Variants in TPR observed in about 807,000 individuals in gnomAD.
TPR encodes translocated promoter region, nuclear basket protein, also known as nucleoprotein TPR.
Under a neutral mutation model 316.1 loss-of-function variants are expected in TPR, and 51 were observed. The ratio of observed to expected loss-of-function variants is 0.16; its 90% confidence interval spans 0.13 to 0.20. The LOEUF (loss-of-function observed/expected upper bound fraction) is 0.20, where lower values mean the gene tolerates loss of function less well. TPR is among the 10% of genes least tolerant of loss of function. TPR has a pLI of 1.00. For missense variants in TPR, 2,272 were observed against 2,754.8 expected, an observed-to-expected ratio of 0.82 and a Z score of 3.92; for synonymous variants, 981 against 914.7, an observed-to-expected ratio of 1.07 and a Z score of -1.31.
At chr1:186,366,676 T>G (rs1190761811) in intron 4 of TPR, among the ~76,000 whole-genome samples, 1 of 152,212 alleles carries the variant, frequency 6.6e-6, no homozygotes. Flanking sequence ...AACTTGTGAA[T>G]TATCCAAATT....
At chr1:186,323,945 A>G in intron 42 of TPR, 75 bp from the exon 43 acceptor site, 1 of 1,401,254 alleles carries the variant, frequency 7.1e-7, no homozygotes, top group Non-Finnish European at 9.6e-7. Context: ...CTAGAAGTAT[A>G]AATCTTGCCA....
At chr1:186,336,972 A>G (rs758291215) in intron 32 of TPR, 41 bp downstream of exon 32, 1 of 1,612,036 alleles carries the variant, frequency 6.2e-7, no homozygotes, top group Non-Finnish European at 8.5e-7. Context: ...TTAGGTGTAT[A>G]ACAGGAAAGA....
intron 49 of TPR, among the ~76,000 whole-genome samples, chr1:186,314,953 G>A (rs550728871): frequency 6.6e-6 from 1 of 152,012 alleles, no homozygotes; most frequent in Non-Finnish European, 1.5e-5. Context: ...GATCACTTGA[G>A]CTCAGGAGTT....
intron 49 of TPR, among the ~76,000 whole-genome samples, chr1:186,316,818 A>G (rs756307969): frequency 1.3e-5 from 2 of 152,248 alleles, no homozygotes; most frequent in African/African-American, 2.4e-5. Flanking sequence ...ATAAGGAAAT[A>G]TAAGTAAAGG....
rs1278246337 is a variant in TPR, at chr1:186,332,339, C to T, written c.5460G>A (p.Ser1820=). The change falls in exon 38 of 51, where the codon TCG becomes TCA. Residue 1820 remains serine, a synonymous_variant. Transcript: ENST00000367478. The part of the protein sequence containing the change: ...STSTAVFGTV[S]ATPSSSLPKR... ...TTGGCAAAGAAGAACTGGGGGTAGC[C>T]GAAACTTTGAAATTATATAAATCTT... 7 of 1,610,472 alleles carry T rather than the reference C, an allele frequency of 4.3e-6. No individual in the cohort carries two copies. The highest frequency in any genetic ancestry group is 4.5e-5 in the East Asian group (2 of 44,778).
chr1:186,366,893 T>C (rs1463762444), intron 4 of TPR, among the ~76,000 whole-genome samples: 1 of 151,878 alleles, frequency 6.6e-6, no homozygotes, highest in Non-Finnish European at 1.5e-5. Flanking sequence ...TAACTACCAC[T>C]TGTTGATCAA....
At position 186,344,516 on chromosome 1, in the gene TPR, A is replaced by G. The variant is rs1201444402; in HGVS notation, c.3276T>C (p.Asp1092=). Residue 1092 remains aspartate (D), a synonymous_variant, in exon 25 of 51, where the codon GAT becomes GAC. Coordinates refer to ENST00000367478, the MANE Select transcript of TPR (RefSeq NM_003292.3). ...YERELMLHAA[D]VEALQAAKEQ... Reference sequence around the variant, plus strand: ...CCTTCGCAGCTTGTAGAGCTTCAACATCAGCAGCATGCAGCATCAATTCTC... The same window carrying G: ...CCTTCGCAGCTTGTAGAGCTTCAACGTCAGCAGCATGCAGCATCAATTCTC... 1 of 1,612,936 alleles carries G rather than the reference A, an allele frequency of 6.2e-7. No homozygotes were observed. Among genetic ancestry groups the G allele is most frequent in the Admixed American group, 1.7e-5 (1 of 59,902 alleles).
At chr1:186,347,599 A>C in intron 21 of TPR, 141 bp from the exon 22 acceptor site, 1 of 822,658 alleles carries the variant, frequency 1.2e-6, no homozygotes, top group Non-Finnish European at 1.7e-6. Context: ...CCGAATACCA[A>C]AATAAAAGCA....
chr1:186,343,532 C>T (rs932412391), intron 26 of TPR, 59 bp from the exon 27 acceptor site: 35 of 1,521,110 alleles, frequency 2.3e-5, no homozygotes, highest in Middle Eastern at 1.7e-4. Context: ...CATTACAAAA[C>T]GTAGGTAATT....
chr1:186,340,915 C>T, intron 29 of TPR, 113 bp downstream of exon 29: 3 of 1,321,290 alleles, frequency 2.3e-6, no homozygotes, highest in Non-Finnish European at 3.1e-6. Context: ...TAGACTTTCA[C>T]TAATAAACAC....
intron 32 of TPR, 36 bp downstream of exon 32, chr1:186,336,977 G>T (rs1459859734): frequency 1.2e-6 from 2 of 1,612,262 alleles, no homozygotes; most frequent in Non-Finnish European, 8.5e-7. Flanking sequence ...TGTATAACAG[G>T]AAAGAATTAG....
intron 12 of TPR, among the ~76,000 whole-genome samples, chr1:186,359,593 T>G (rs557922029): frequency 6.6e-6 from 1 of 152,190 alleles, no homozygotes; most frequent in African/African-American, 2.4e-5. Flanking sequence ...GCTTTCACAA[T>G]TTTATATAAA....
At position 186,363,345 on chromosome 1, in the gene TPR, A is replaced by G; in HGVS notation, c.528T>C (p.Val176=). 6.2e-7 allele frequency: 1 copy of G among 1,610,628 alleles called. No homozygotes were observed. Among genetic ancestry groups the G allele is most frequent in the Non-Finnish European group, 8.5e-7 (1 of 1,177,376 alleles). The change falls in exon 5 of 51, where the codon GTT becomes GTC. Residue 176 remains valine, a synonymous_variant. Coordinates refer to ENST00000367478, the MANE Select transcript of TPR (RefSeq NM_003292.3). Reference sequence around the variant, plus strand: ...TTAGGAATCATCTGGTACTTGCCTTAACAGAAACATCAGAAGCTTGAAGTT... The same window carrying G: ...TTAGGAATCATCTGGTACTTGCCTTGACAGAAACATCAGAAGCTTGAAGTT... ...LDELQASDVS[V]KYREKRLEQE...
chr1:186,371,170 T>G (rs1156649740), intron 2 of TPR, 127 bp from the exon 3 acceptor site: 1 of 707,150 alleles, frequency 1.4e-6, no homozygotes, highest in African/African-American at 1.8e-5. Context: ...GACTGCATTG[T>G]ACATCACATT....
At chr1:186,369,880 T>C (rs1659470219) in intron 3 of TPR, among the ~76,000 whole-genome samples, 1 of 152,090 alleles carries the variant, frequency 6.6e-6, no homozygotes, top group Non-Finnish European at 1.5e-5. Context: ...TAAATTCTAT[T>C]ACTTTTTAAG....
At chr1:186,335,669 A>G in intron 33 of TPR, 126 bp from the exon 34 acceptor site, 1 of 613,832 alleles carries the variant, frequency 1.6e-6, no homozygotes, top group Admixed American at 3.6e-5. Flanking sequence ...GTTATGATAC[A>G]TCATACATCT....
intron 21 of TPR, 89 bp downstream of exon 21, chr1:186,350,134 A>C: frequency 8.2e-7 from 1 of 1,216,036 alleles, no homozygotes; most frequent in Non-Finnish European, 1.1e-6. Context: ...GCATTCACAA[A>C]GAATTAGGCT....
chr1:186,323,974 C>T (rs1337068626), intron 42 of TPR, 104 bp from the exon 43 acceptor site: 56 of 1,196,972 alleles, frequency 4.7e-5, no homozygotes, highest in Non-Finnish European at 5.5e-5. Flanking sequence ...GTTCACCGTA[C>T]GAATATTTTC....
Position 186,321,714 on chromosome 1 carries a change from T to A in TPR, c.6461+604A>T, listed in dbSNP as rs1032904022. On this transcript the variant is annotated intron_variant, in intron 45 of 50. Transcript: ENST00000367478. ...TTAGTTGTTGAAATAAATTACTTCTTCATTTGTAGTAACAAAGCCTACTGC... is the reference window on the plus strand; with the variant it reads ...TTAGTTGTTGAAATAAATTACTTCTACATTTGTAGTAACAAAGCCTACTGC... 2.4e-4 allele frequency among the ~76,000 whole-genome samples: 37 copies of A among 152,352 alleles called. 1 individual carries two copies. The highest frequency in any genetic ancestry group is 8.2e-4 in the African/African-American group (34 of 41,584).
Sources: gnomAD v4.1 joint callset for allele counts (sites outside exome capture counted in the v4.1 genomes callset) on GRCh38, gnomAD v4.1.1 for gene constraint, MANE v1.5 for transcripts, NCBI Gene and HGNC (gene_info 2026-07-23, HGNC 2026-07-21) for gene names.